The following AGBL3 variants were observed in gnomAD, a reference collection of about 807,000 sequenced individuals.
AGBL3 encodes the protein cytosolic carboxypeptidase 3.
Under a neutral mutation model 94.5 loss-of-function variants are expected in AGBL3, and 68 were observed. The observed-to-expected ratio is 0.72, with a 90% CI of 0.59 to 0.88. AGBL3 has a LOEUF of 0.88. Among genes scored for constraint, AGBL3 ranks in the 40% least tolerant of loss-of-function variants. AGBL3 has a pLI of 0.00. For synonymous variants in AGBL3, 354 were observed against 370.7 expected, an observed-to-expected ratio of 0.95 and a Z score of 0.52; for missense variants, 934 against 1,103.8, an observed-to-expected ratio of 0.85 and a Z score of 2.18.
At chr7:135,076,157 C>A (rs1178442640) in intron 12 of AGBL3, among the ~76,000 whole-genome samples, 1 of 152,140 alleles carries the variant, frequency 6.6e-6, no homozygotes, top group Non-Finnish European at 1.5e-5. Flanking sequence ...AAAAAGAAAA[C>A]CCAGTGAACT....
At chr7:135,097,306 T>C (rs527601593) in intron 15 of AGBL3, among the ~76,000 whole-genome samples, 1 of 152,152 alleles carries the variant, frequency 6.6e-6, no homozygotes, top group Non-Finnish European at 1.5e-5. Context: ...CTACAGTGTA[T>C]CAAGTGATAC....
intron 6 of AGBL3, among the ~76,000 whole-genome samples, chr7:135,033,362 A>C (rs1439228272): frequency 3.9e-5 from 6 of 152,348 alleles, no homozygotes; most frequent in Admixed American, 3.3e-4. Context: ...AGTACAGAGA[A>C]TAGTACAATT....
Position 134,991,210 on chromosome 7 carries a change from G to GT in AGBL3, c.124+1900_124+1901insT, listed in dbSNP as rs200153759. Among the ~76,000 whole-genome samples the GT allele has an allele frequency of 1.2e-4, 11 of 92,984 alleles. No homozygotes were observed. The South Asian group carries it at 2.2e-3, about 19-fold the overall frequency. 61.0% of individuals were successfully genotyped at this position (92,984 alleles called of 152,430 possible). ...GACATTTGTGTGTGGGTGGGGGGGG[G>GT]GTTGGTTAAAATTTCAGTTAAGTTT... On this transcript the variant is annotated intron_variant, in intron 3 of 16. Coordinates refer to ENST00000436302, the MANE Select transcript of AGBL3 (RefSeq NM_178563.4).
chr7:135,017,276 T>C (rs1813910568), intron 5 of AGBL3, 117 bp downstream of exon 5: 3 of 745,808 alleles, frequency 4.0e-6, no homozygotes, highest in Non-Finnish European at 4.6e-6. Context: ...TCCCTAAACA[T>C]AAAGATGTTT....
At chr7:135,067,547 GAGGAACAATC>G (rs756419197) in intron 12 of AGBL3, among the ~76,000 whole-genome samples, 54 of 152,220 alleles carry the variant, frequency 3.5e-4, no homozygotes, top group Non-Finnish European at 5.1e-4. Flanking sequence ...AAAACTTCCA[GAGGAACAATC>G]AGGCAGCAGC....
intron 8 of AGBL3, among the ~76,000 whole-genome samples, chr7:135,043,804 G>C (rs911871314): frequency 1.7e-5 from 2 of 118,648 alleles, no homozygotes; most frequent in African/African-American, 5.6e-5. Flanking sequence ...TATAAAAATA[G>C]TAAATTTTAT....
chr7:135,126,704 A>C (rs1419901412), intron 16 of AGBL3, among the ~76,000 whole-genome samples: 1 of 152,148 alleles, frequency 6.6e-6, no homozygotes, highest in Admixed American at 6.5e-5. Flanking sequence ...GAGACCTCAG[A>C]AATAATACCA....
At chr7:135,034,963 T>C in intron 7 of AGBL3, 35 bp downstream of exon 7, 2 of 1,441,044 alleles carry the variant, frequency 1.4e-6, no homozygotes, top group Non-Finnish European at 1.8e-6. Flanking sequence ...TGTGCTTATT[T>C]AGTAAACTTG....
At chr7:135,037,212 G>A (rs1322688901) in intron 7 of AGBL3, among the ~76,000 whole-genome samples, 7 of 152,120 alleles carry the variant, frequency 4.6e-5, no homozygotes, top group Non-Finnish European at 5.9e-5. Flanking sequence ...GAGCCACTGC[G>A]CTCGGCCTGC....
intron 12 of AGBL3, among the ~76,000 whole-genome samples, chr7:135,061,493 T>C (rs767843778): frequency 2.0e-5 from 3 of 152,250 alleles, no homozygotes; most frequent in East Asian, 1.9e-4. Flanking sequence ...CTTTCCCCTA[T>C]ACTTTTTTCA....
intron 8 of AGBL3, among the ~76,000 whole-genome samples, chr7:135,039,718 G>A (rs1035892388): frequency 1.3e-5 from 2 of 152,046 alleles, no homozygotes; most frequent in Non-Finnish European, 2.9e-5. Flanking sequence ...CTGGGCAACA[G>A]TGTGAGACTC....
At chr7:135,047,922 G>A (rs1029969981) in intron 11 of AGBL3, among the ~76,000 whole-genome samples, 1 of 151,664 alleles carries the variant, frequency 6.6e-6, no homozygotes, top group African/African-American at 2.4e-5. Flanking sequence ...TTTTGGTGTC[G>A]TATCTATGAA....
chr7:135,005,207 T>A (rs1034172111), intron 4 of AGBL3, among the ~76,000 whole-genome samples: 1 of 151,804 alleles, frequency 6.6e-6, no homozygotes, highest in African/African-American at 2.4e-5. Context: ...ACTTTAGCAT[T>A]TATATTGTTA....
intron 15 of AGBL3, among the ~76,000 whole-genome samples, chr7:135,109,283 T>G (rs1825247172): frequency 1.3e-5 from 2 of 152,224 alleles, no homozygotes; most frequent in African/African-American, 2.4e-5. Context: ...GAATTCTCTC[T>G]AGGGCCTGGA....
At chr7:135,057,884 A>G (rs191596137) in intron 11 of AGBL3, among the ~76,000 whole-genome samples, 39 of 152,304 alleles carry the variant, frequency 2.6e-4, no homozygotes, top group Admixed American at 1.2e-3. Context: ...GCCACATACT[A>G]TATGATCCCA....
chr7:135,013,326 A>C (rs1265852977), intron 4 of AGBL3, among the ~76,000 whole-genome samples: 2 of 152,182 alleles, frequency 1.3e-5, no homozygotes, highest in African/African-American at 4.8e-5. Context: ...TTGCATAATC[A>C]CTTTGTAAAA....
intron 12 of AGBL3, among the ~76,000 whole-genome samples, chr7:135,067,430 C>A (rs1819442554): frequency 6.6e-6 from 1 of 152,216 alleles, no homozygotes; most frequent in African/African-American, 2.4e-5. Context: ...TGAGAACGAG[C>A]AGACTGCCTC....
chr7:135,091,222 C>A (rs944460633), intron 15 of AGBL3, among the ~76,000 whole-genome samples: 3 of 152,142 alleles, frequency 2.0e-5, no homozygotes, highest in African/African-American at 7.2e-5. Context: ...TTTCTGCACT[C>A]ACCAGGGTTT....
intron 7 of AGBL3, among the ~76,000 whole-genome samples, chr7:135,035,682 A>G (rs1816232585): frequency 6.6e-6 from 1 of 152,150 alleles, no homozygotes; most frequent in Non-Finnish European, 1.5e-5. Context: ...AAGTTATTCA[A>G]ATTAATCTAA....
Sources: gnomAD v4.1 joint callset for allele counts (sites outside exome capture counted in the v4.1 genomes callset) on GRCh38, gnomAD v4.1.1 for gene constraint, MANE v1.5 for transcripts, NCBI Gene and HGNC (gene_info 2026-07-23, HGNC 2026-07-21) for gene names.